The following CEACAM19 variants were observed in gnomAD, a reference collection of about 807,000 sequenced individuals.
The protein encoded by CEACAM19 is cell adhesion molecule CEACAM19.
A neutral mutation model predicts 37.6 loss-of-function variants in CEACAM19; 37 were observed. The ratio of observed to expected loss-of-function variants is 0.98; its 90% CI spans 0.76 to 1.29. The LOEUF is 1.29. CEACAM19 is among the 50% of genes most tolerant of loss of function. The pLI is 0.00. For synonymous variants in CEACAM19, 140 were observed against 149.8 expected (o/e 0.93, Z 0.48); for missense variants, 340 against 375.6 (o/e 0.91, Z 0.78).
chr19:44,666,563 G>C (rs557457248), upstream of CEACAM19, among the ~76,000 whole-genome samples: 4 of 152,262 alleles, frequency 2.6e-5, no homozygotes, highest in South Asian at 6.2e-4. Flanking sequence ...CCAGCTACTC[G>C]GGAGGCTGAG....
At chr19:44,668,308 ATATATTATTATATT>A (rs1973778843), upstream of CEACAM19, among the ~76,000 whole-genome samples, 1 of 75,606 alleles carries the variant, frequency 1.3e-5, no homozygotes, top group African/African-American at 6.3e-5. Context: ...TAATATGTTT[ATATATTATTATATT>A]TATATAATAT....
chr19:44,678,996 G>A (rs1974005385), intron 4 of CEACAM19, 60 bp downstream of exon 4: 3 of 1,595,390 alleles, frequency 1.9e-6, no homozygotes, highest in Non-Finnish European at 2.6e-6. Flanking sequence ...GGTGTCAAGA[G>A]TACTTTTGTT....
intron 7 of CEACAM19, chr19:44,682,891 C>A: frequency 2.4e-6 from 1 of 415,080 alleles, no homozygotes. Flanking sequence ...CAGAGAGGGA[C>A]AGGGGATTGC....
chr19:44,682,495 C>T, intron 6 of CEACAM19, 72 bp from the exon 7 acceptor site: 3 of 1,467,078 alleles, frequency 2.0e-6, no homozygotes, highest in Non-Finnish European at 1.9e-6. Flanking sequence ...TGAGACTGTC[C>T]TAGCACCAAA....
upstream of CEACAM19, among the ~76,000 whole-genome samples, chr19:44,668,587 AATT>A (rs1213256905): frequency 2.7e-3 from 238 of 86,706 alleles, 1 homozygote; most frequent in Non-Finnish European, 4.4e-3. Flanking sequence ...ATAATTATAT[AATT>A]ATATACACAT....
In CEACAM19 at chr19:44,683,428, C is replaced by A; in HGVS notation, c.847-9C>A. The A allele has an allele frequency of 3.3e-6, 5 of 1,520,734 alleles. No homozygotes were observed. Among genetic ancestry groups the A allele is most frequent in the Non-Finnish European group, 2.7e-6 (3 of 1,119,832 alleles). The allele number at this position is 1,520,734 out of a possible 1,614,324, so 94.2% of individuals were successfully genotyped here. Reference sequence around the variant, plus strand: ...AGTCATAATTCTGTTCTCTCTTCCCCCCAAGCAGGACCTGCTAAACCCCGA... The same window carrying A: ...AGTCATAATTCTGTTCTCTCTTCCCACCAAGCAGGACCTGCTAAACCCCGA... On this transcript the variant is annotated splice_polypyrimidine_tract_variant and intron_variant, in intron 7 of 7. Transcript: ENST00000358777.
At chr19:44,668,001 A>G (rs1973766720), upstream of CEACAM19, among the ~76,000 whole-genome samples, 1 of 164 alleles carries the variant, frequency 6.1e-3, no homozygotes, top group South Asian at 0.17. Context: ...ATATATTTAT[A>G]TAGATTTATA....
At chr19:44,672,492 A>C in intron 1 of CEACAM19, 104 bp from the exon 2 acceptor site, 1 of 1,225,692 alleles carries the variant, frequency 8.2e-7, no homozygotes, top group Admixed American at 2.8e-5. Context: ...AATGAGCAGC[A>C]CTCAGAGTCC....
chr19:44,682,944 G>T (rs534672029), intron 7 of CEACAM19: 3 of 338,218 alleles, frequency 8.9e-6, no homozygotes, highest in Non-Finnish European at 1.1e-5. Context: ...AAACCCCACC[G>T]CAGAGCTCAG....
rs1347291688 is a variant in CEACAM19, at chr19:44,683,592, G to A, written c.*102G>A. ...AGGACAAGGCCATTGGGGGCTGTGGGGCCGATGAGGTGGACTCAGCCAAAG... is the reference window on the plus strand; with the variant it reads ...AGGACAAGGCCATTGGGGGCTGTGGAGCCGATGAGGTGGACTCAGCCAAAG... On this transcript the variant is annotated 3_prime_UTR_variant, in exon 8 of 8. Transcript: ENST00000358777. 4.4e-6 allele frequency: 3 copies of A among 681,936 alleles called. No homozygotes were observed. Among genetic ancestry groups the A allele is most frequent in the African/African-American group, 3.7e-5 (2 of 54,628 alleles). The allele number at this position is 681,936 out of a possible 1,614,324, so 42.2% of individuals were successfully genotyped here.
chr19:44,681,159 C>A, intron 5 of CEACAM19, 68 bp from the exon 6 acceptor site: 2 of 1,022,744 alleles, frequency 2.0e-6, no homozygotes, highest in South Asian at 1.3e-5. Context: ...AAATGAATGT[C>A]AACAGGCAGT....
intron 2 of CEACAM19, among the ~76,000 whole-genome samples, chr19:44,675,198 G>C (rs1354839633): frequency 6.7e-6 from 1 of 148,796 alleles, no homozygotes; most frequent in East Asian, 2.0e-4. Context: ...TTTCACAGAC[G>C]AACCAAGTCA....
At chr19:44,675,569 T>G (rs548895012) in intron 2 of CEACAM19, among the ~76,000 whole-genome samples, 1 of 151,984 alleles carries the variant, frequency 6.6e-6, no homozygotes, top group Admixed American at 6.6e-5. Flanking sequence ...TAGAACTACT[T>G]GAGTCCAGGA....
rs1974081041 is a variant in CEACAM19, at chr19:44,682,581, C to A, written c.807C>A (p.Pro269=). Residue 269 remains proline, a synonymous_variant, in exon 7 of 8, where the codon CCC becomes CCA. Coordinates refer to ENST00000358777, the MANE Select transcript of CEACAM19 (RefSeq NM_001127893.3). ...TTCCCTTGCAGCCCCTGCCCACACC[C>A]CCACACCTGCAGGCGGAGCCAGAGA... ...SINPARPLPT[P]PHLQAEPENH... is the part of the protein sequence containing the mutation. The A allele has an allele frequency of 1.2e-6, 2 of 1,603,602 alleles. No individual in the cohort carries two copies. The highest frequency in any genetic ancestry group is 2.3e-5 in the East Asian group (1 of 44,430).
upstream of CEACAM19, among the ~76,000 whole-genome samples, chr19:44,667,573 T>A (rs1973735111): frequency 8.5e-6 from 1 of 117,124 alleles, no homozygotes; most frequent in African/African-American, 3.3e-5. Flanking sequence ...AATATATATA[T>A]AAATTATATA....
chr19:44,669,130 A>G (rs1973816877), upstream of CEACAM19, among the ~76,000 whole-genome samples: 1 of 147,238 alleles, frequency 6.8e-6, no homozygotes, highest in Non-Finnish European at 1.5e-5. Context: ...TATTCAGTAT[A>G]TTTTTTTGAG....
At chr19:44,674,052 C>T (rs1465845676) in intron 2 of CEACAM19, among the ~76,000 whole-genome samples, 1 of 152,020 alleles carries the variant, frequency 6.6e-6, no homozygotes, top group African/African-American at 2.4e-5. Context: ...TCGAGATCAC[C>T]CTGGCCAACA....
At chr19:44,675,334 G>A (rs1284273113) in intron 2 of CEACAM19, among the ~76,000 whole-genome samples, 2 of 152,074 alleles carry the variant, frequency 1.3e-5, no homozygotes, top group Non-Finnish European at 2.9e-5. Context: ...GAGTAAAGCT[G>A]GGAGGTCAGA....
chr19:44,681,871 A>G (rs1226252812), intron 6 of CEACAM19, among the ~76,000 whole-genome samples: 1 of 152,018 alleles, frequency 6.6e-6, no homozygotes, highest in Non-Finnish European at 1.5e-5. Flanking sequence ...TGGAGGTTGC[A>G]GTAAGCCGAG....
Sources: allele counts gnomAD v4.1 joint callset (sites outside exome capture counted in the v4.1 genomes callset), GRCh38; gene constraint gnomAD v4.1.1; transcripts MANE v1.5; gene names NCBI Gene and HGNC (gene_info 2026-07-23, HGNC 2026-07-21).